The following SLC22A24 variants were observed in gnomAD, a reference collection of about 807,000 sequenced individuals.
The protein encoded by SLC22A24 is steroid transmembrane transporter SLC22A24.
In SLC22A24, 53 loss-of-function variants were observed where a neutral mutation model predicts 49.8. That is an observed-to-expected ratio of 1.06 (90% CI 0.85 to 1.34). The LOEUF (loss-of-function observed/expected upper bound fraction) is 1.34, where lower values mean the gene tolerates loss of function less well. Ranked by LOEUF, SLC22A24 falls within the 40% of genes most tolerant of loss-of-function variation. The pLI is 0.00. For synonymous variants in SLC22A24, 302 were observed against 256.4 expected (o/e 1.18, Z -1.70); for missense variants, 786 against 675.9 (o/e 1.16, Z -1.81).
intron 1 of SLC22A24, among the ~76,000 whole-genome samples, chr11:63,136,481 G>T (rs1469290533): frequency 1.3e-5 from 2 of 152,172 alleles, no homozygotes; most frequent in Non-Finnish European, 2.9e-5. Flanking sequence ...AACAAATTCG[G>T]CTACGAAGTT....
chr11:63,129,572 G>C (rs189684203), intron 2 of SLC22A24, among the ~76,000 whole-genome samples: 49 of 152,156 alleles, frequency 3.2e-4, no homozygotes, highest in African/African-American at 1.1e-3. Context: ...TTGGACAGTA[G>C]GACCATTTTC....
chr11:63,113,845 C>G (rs1251718766), intron 4 of SLC22A24, among the ~76,000 whole-genome samples: 1 of 140,890 alleles, frequency 7.1e-6, no homozygotes, highest in Non-Finnish European at 1.5e-5. Context: ...CAGCGTGAGA[C>G]TCCATCTCAA....
At chr11:63,126,541 A>G (rs922562831) in intron 2 of SLC22A24, among the ~76,000 whole-genome samples, 1 of 152,168 alleles carries the variant, frequency 6.6e-6, no homozygotes, top group African/African-American at 2.4e-5. Context: ...AACCAGTACC[A>G]TGCTGTTTTG....
intron 2 of SLC22A24, among the ~76,000 whole-genome samples, chr11:63,125,083 C>A (rs1431776937): frequency 2.0e-5 from 3 of 150,348 alleles, no homozygotes; most frequent in Non-Finnish European, 3.0e-5. Flanking sequence ...TGCACATGTA[C>A]CCTAAAACTT....
chr11:63,131,959 T>G (rs1382964699), intron 2 of SLC22A24, among the ~76,000 whole-genome samples: 2 of 152,230 alleles, frequency 1.3e-5, no homozygotes, highest in African/African-American at 4.8e-5. Flanking sequence ...CCCATATTTC[T>G]TGACAGCTTT....
intron 4 of SLC22A24, among the ~76,000 whole-genome samples, chr11:63,110,648 T>G (rs1455159704): frequency 2.2e-5 from 3 of 134,226 alleles, no homozygotes; most frequent in Admixed American, 8.1e-5. Flanking sequence ...GGCTCTCTGT[T>G]TGTCTGTTGT....
At chr11:63,092,643 A>C (rs1002781791) in intron 6 of SLC22A24, among the ~76,000 whole-genome samples, 3 of 149,442 alleles carry the variant, frequency 2.0e-5, no homozygotes, top group Non-Finnish European at 4.5e-5. Flanking sequence ...ATCTTTATGC[A>C]GAAAACAGAA....
intron 2 of SLC22A24, among the ~76,000 whole-genome samples, chr11:63,125,466 G>A (rs2087283488): frequency 6.6e-6 from 1 of 152,122 alleles, no homozygotes; most frequent in Non-Finnish European, 1.5e-5. Flanking sequence ...CTTCATCCAT[G>A]TCTCTGCAAA....
chr11:63,138,366 T>C (rs1298515168), intron 1 of SLC22A24, among the ~76,000 whole-genome samples: 1 of 151,940 alleles, frequency 6.6e-6, no homozygotes, highest in Non-Finnish European at 1.5e-5. Context: ...TGAGGCCGGG[T>C]ACGTGGTGGC....
chr11:63,138,883 T>G (rs1295185177), intron 1 of SLC22A24, among the ~76,000 whole-genome samples: 7 of 152,202 alleles, frequency 4.6e-5, no homozygotes, highest in African/African-American at 1.4e-4. Flanking sequence ...CTGTTGAATT[T>G]TCCTTTCTCT....
At chr11:63,086,304 G>A (rs943405751) in intron 6 of SLC22A24, among the ~76,000 whole-genome samples, 4 of 152,172 alleles carry the variant, frequency 2.6e-5, no homozygotes, top group Non-Finnish European at 5.9e-5. Flanking sequence ...ATCAATGGTA[G>A]ACTGGATAAA....
chr11:63,116,738 T>C (rs1399536431), intron 4 of SLC22A24, among the ~76,000 whole-genome samples: 2 of 152,206 alleles, frequency 1.3e-5, no homozygotes, highest in Non-Finnish European at 2.9e-5. Context: ...TTGATACCCT[T>C]GATAGAGTCT....
intron 4 of SLC22A24, among the ~76,000 whole-genome samples, 153 bp from the exon 5 acceptor site, chr11:63,104,451 T>G (rs2087108649): frequency 1.3e-5 from 2 of 152,172 alleles, no homozygotes; most frequent in African/African-American, 2.4e-5. Context: ...GCTGGACTCC[T>G]AGGGTGAAGG....
chr11:63,095,558 G>A (rs771528567), intron 6 of SLC22A24, among the ~76,000 whole-genome samples: 8 of 152,112 alleles, frequency 5.3e-5, no homozygotes, highest in Non-Finnish European at 1.0e-4. Context: ...GTATTAACTA[G>A]GGTGAAAGAG....
At chr11:63,089,700 T>C (rs1338853655) in intron 6 of SLC22A24, among the ~76,000 whole-genome samples, 5 of 152,050 alleles carry the variant, frequency 3.3e-5, no homozygotes, top group African/African-American at 1.2e-4. Flanking sequence ...TGGAGGAAGA[T>C]TTATCAAGAA....
At chr11:63,099,837 T>A (rs2087079980) in intron 5 of SLC22A24, among the ~76,000 whole-genome samples, 1 of 152,170 alleles carries the variant, frequency 6.6e-6, no homozygotes, top group African/African-American at 2.4e-5. Flanking sequence ...CATAATCATT[T>A]CAGTTGATGC....
intron 1 of SLC22A24, among the ~76,000 whole-genome samples, chr11:63,135,765 G>A (rs1454594380): frequency 6.6e-6 from 1 of 152,206 alleles, no homozygotes; most frequent in Non-Finnish European, 1.5e-5. Context: ...GGGCTGTAAA[G>A]CAGTGGAGAC....
At chr11:63,128,026 G>C (rs1485013852) in intron 2 of SLC22A24, among the ~76,000 whole-genome samples, 2 of 51,044 alleles carry the variant, frequency 3.9e-5, no homozygotes, top group Non-Finnish European at 6.0e-5. Context: ...AGCAGGAGCT[G>C]TTCCAGTATA....
At chr11:63,092,711 A>G (rs1232310347) in intron 6 of SLC22A24, among the ~76,000 whole-genome samples, 2 of 150,958 alleles carry the variant, frequency 1.3e-5, no homozygotes, top group Non-Finnish European at 3.0e-5. Context: ...TTAAAAATTT[A>G]AATGTAAAAC....
Sources: allele counts gnomAD v4.1 joint callset (sites outside exome capture counted in the v4.1 genomes callset), GRCh38; gene constraint gnomAD v4.1.1; transcripts MANE v1.5; gene names NCBI Gene and HGNC (gene_info 2026-07-23, HGNC 2026-07-21).